ANKRD42: variants seen among roughly 807,000 people sequenced by gnomAD.
ANKRD42 encodes the protein ankyrin repeat domain-containing protein 42.
Under a neutral mutation model 51.5 loss-of-function variants are expected in ANKRD42, and 43 were observed. The ratio of observed to expected loss-of-function variants is 0.83; its 90% CI spans 0.65 to 1.08. The LOEUF (loss-of-function observed/expected upper bound fraction) is 1.08. Ranked by LOEUF, ANKRD42 falls within the 50% of genes least tolerant of loss-of-function variation. The pLI is 0.00. For synonymous variants in ANKRD42, 203 were observed against 213.0 expected, an observed-to-expected ratio of 0.95 and a Z score of 0.41; for missense variants, 608 against 629.3, an observed-to-expected ratio of 0.97 and a Z score of 0.36.
intron 2 of ANKRD42, among the ~76,000 whole-genome samples, chr11:83,202,814 C>T (rs973284012): frequency 1.2e-4 from 18 of 152,092 alleles, no homozygotes; most frequent in Admixed American, 1.2e-3. Context: ...CCATTTGAGT[C>T]TCATTCATCT....
intron 2 of ANKRD42, 100 bp downstream of exon 2, chr11:83,198,742 A>G: frequency 5.4e-6 from 6 of 1,103,214 alleles, no homozygotes; most frequent in South Asian, 2.2e-5. Flanking sequence ...GGTACTGCAT[A>G]TATTTTCTTT....
At chr11:83,237,426 C>T (rs1342267036) in intron 8 of ANKRD42, among the ~76,000 whole-genome samples, 3 of 152,044 alleles carry the variant, frequency 2.0e-5, no homozygotes, top group East Asian at 1.9e-4. Context: ...CACTTGTAAG[C>T]GTAAGTGTAA....
Position 83,227,866 on chromosome 11 carries a change from C to A in ANKRD42, c.907C>A (p.His303Asn), listed in dbSNP as rs1259688292. The A allele has an allele frequency of 1.2e-6, 2 of 1,602,148 alleles. No homozygotes were observed. The highest frequency in any genetic ancestry group is 8.5e-7 in the Non-Finnish European group (1 of 1,176,528). The change falls in exon 7 of 11, where the codon CAT (histidine) becomes AAT (asparagine). Residue 303 changes from histidine (H) to asparagine (N), a missense_variant. By Grantham distance (68) the His-to-Asn change is moderately conservative. Transcript: ENST00000533342. ...TGCTGATAATGGATCAACTCCTATG[C>A]ATAAAGGTGAGTTATGATTCCTCCT... ...ERADNGSTPM[H>N]KAAGQGHIEC...
At chr11:83,228,255 T>C (rs1862958169) in intron 7 of ANKRD42, among the ~76,000 whole-genome samples, 1 of 131,168 alleles carries the variant, frequency 7.6e-6, no homozygotes, top group African/African-American at 2.8e-5. Flanking sequence ...TTTTTTTTTT[T>C]TTTTTTTTTT....
Position 83,213,412 on chromosome 11 carries a change from A to G in ANKRD42, c.586+1982A>G, listed in dbSNP as rs1016631045. On this transcript the variant is annotated intron_variant, in intron 5 of 10. Coordinates refer to ENST00000533342, the MANE Select transcript of ANKRD42 (RefSeq NM_001300975.2). ...AGTGAAGAAAATGAATAGACAGCTC[A>G]TGTGCATGTTTTGTGTTTAAATAAA... is the stretch of plus-strand genomic sequence containing the variant. The G allele has an allele frequency of 4.6e-5, 71 of 1,550,330 alleles. No individual in the cohort carries two copies. The African/African-American group carries it at 7.7e-4, about 17-fold the overall frequency.
intron 6 of ANKRD42, among the ~76,000 whole-genome samples, chr11:83,226,707 G>T (rs1046526694): frequency 4.6e-5 from 7 of 152,104 alleles, no homozygotes; most frequent in Non-Finnish European, 7.4e-5. Flanking sequence ...CTAGCTACCC[G>T]GGAGGCTGAG....
At position 83,227,794 on chromosome 11, in the gene ANKRD42, A is replaced by G. The variant is rs1862935332; in HGVS notation, c.835A>G (p.Met279Val). The G allele has an allele frequency of 6.2e-7, 1 of 1,613,346 alleles. No homozygotes were observed. Among genetic ancestry groups the G allele is most frequent in the South Asian group, 1.1e-5 (1 of 90,990 alleles). The change falls in exon 7 of 11, where the codon ATG becomes GTG. Residue 279 changes from methionine (M) to valine (V), a missense_variant. Coordinates refer to ENST00000533342, the MANE Select transcript of ANKRD42 (RefSeq NM_001300975.2). ...HVAAFKGDLGMLKKLVEDGVI... is the reference protein window; with the variant it reads ...HVAAFKGDLGVLKKLVEDGVI... Reference sequence around the variant, plus strand: ...GGCTGCCTTTAAGGGTGATTTGGGGATGCTTAAGAAATTAGTGGAAGATGG... The same window carrying G: ...GGCTGCCTTTAAGGGTGATTTGGGGGTGCTTAAGAAATTAGTGGAAGATGG...
At chr11:83,246,163 A>G (rs1863536529) in intron 10 of ANKRD42, among the ~76,000 whole-genome samples, 1 of 152,196 alleles carries the variant, frequency 6.6e-6, no homozygotes, top group Non-Finnish European at 1.5e-5. Flanking sequence ...GGATGCAACC[A>G]AACTTGGATA....
At chr11:83,259,305 C>CA (rs924673881), downstream of ANKRD42, 1 of 152,166 alleles carries the variant, frequency 6.6e-6, no homozygotes, top group African/African-American at 2.4e-5. Flanking sequence ...ATCACTGAAA[C>CA]AAAAATTTAC....
chr11:83,208,090 C>G (rs7115864), intron 3 of ANKRD42, among the ~76,000 whole-genome samples: 3,204 of 152,236 alleles, frequency 0.021, 115 homozygotes, highest in African/African-American at 0.07. Flanking sequence ...GTGCCCTGGT[C>G]ATGACTCACT....
chr11:83,243,312 G>A (rs1408141410), intron 9 of ANKRD42, among the ~76,000 whole-genome samples: 1 of 152,122 alleles, frequency 6.6e-6, no homozygotes. Flanking sequence ...ATTAAAATGT[G>A]TAAGGTACTT....
downstream of ANKRD42, chr11:83,248,992 C>A (rs370135339): frequency 9.2e-6 from 9 of 982,872 alleles, no homozygotes; most frequent in African/African-American, 1.7e-5. Context: ...CTTCATTTTG[C>A]AACCCTCTTC....
chr11:83,217,662 G>C (rs1280249173), intron 5 of ANKRD42, among the ~76,000 whole-genome samples: 1 of 152,196 alleles, frequency 6.6e-6, no homozygotes, highest in Non-Finnish European at 1.5e-5. Flanking sequence ...TGAATCATCT[G>C]GTTGGGTGCT....
chr11:83,215,517 A>G (rs193093834), intron 5 of ANKRD42, among the ~76,000 whole-genome samples: 20 of 151,556 alleles, frequency 1.3e-4, no homozygotes, highest in Admixed American at 9.9e-4. Flanking sequence ...TGTAACTCCT[A>G]CGTTCCTTTC....
downstream of ANKRD42, among the ~76,000 whole-genome samples, chr11:83,262,218 T>A (rs1389796846): frequency 6.6e-6 from 1 of 152,136 alleles, no homozygotes; most frequent in African/African-American, 2.4e-5. Context: ...TAACCTGTAT[T>A]TAAAATCATT....
At chr11:83,212,968 TGCCTACGGAGGTGGCA>T (rs1862382732) in intron 5 of ANKRD42, 1 of 1,567,662 alleles carries the variant, frequency 6.4e-7, no homozygotes, top group Non-Finnish European at 8.5e-7. Flanking sequence ...CTCTCGGCGC[TGCCTACGGAGGTGGCA>T]GCCATCTCCT....
intron 2 of ANKRD42, among the ~76,000 whole-genome samples, chr11:83,202,397 G>A (rs1360832068): frequency 6.6e-6 from 1 of 152,198 alleles, no homozygotes; most frequent in Non-Finnish European, 1.5e-5. Flanking sequence ...CTGTAGCCTT[G>A]TAGTATAGTT....
chr11:83,221,658 G>A (rs1477345934), intron 5 of ANKRD42, among the ~76,000 whole-genome samples: 1 of 152,128 alleles, frequency 6.6e-6, no homozygotes, highest in Non-Finnish European at 1.5e-5. Context: ...ATAAGCCATC[G>A]GAGTGTAGCT....
At chr11:83,256,499 C>A (rs1004330028), downstream of ANKRD42, among the ~76,000 whole-genome samples, 1 of 152,168 alleles carries the variant, frequency 6.6e-6, no homozygotes, top group Non-Finnish European at 1.5e-5. Flanking sequence ...AACTAAAAAA[C>A]AACTATGGCT....
Sources: gnomAD v4.1 joint callset for allele counts (sites outside exome capture counted in the v4.1 genomes callset) on GRCh38, gnomAD v4.1.1 for gene constraint, MANE v1.5 for transcripts, NCBI Gene and HGNC (gene_info 2026-07-23, HGNC 2026-07-21) for gene names.